Variants in ANXA5 observed in about 807,000 individuals in gnomAD.
ANXA5 encodes annexin A5, also known as CBP-I.
ANXA5 carries 40 observed loss-of-function variants against 48.1 expected under a neutral mutation model. The ratio of observed to expected loss-of-function variants is 0.83; its 90% confidence interval spans 0.65 to 1.08. The LOEUF is 1.08. Ranked by LOEUF, ANXA5 falls within the 50% of genes least tolerant of loss-of-function variation. ANXA5 has a pLI of 0.00. For synonymous variants in ANXA5, 113 were observed against 129.1 expected (o/e 0.88, Z 0.85); for missense variants, 357 against 376.8 (o/e 0.95, Z 0.44).
At chr4:121,694,990 T>G (rs1215700815) in intron 2 of ANXA5, among the ~76,000 whole-genome samples, 1 of 152,208 alleles carries the variant, frequency 6.6e-6, no homozygotes, top group Non-Finnish European at 1.5e-5. Context: ...CTTATACTAT[T>G]TGGGTAAACA....
intron 2 of ANXA5, among the ~76,000 whole-genome samples, chr4:121,690,063 T>A (rs978101677): frequency 6.6e-6 from 1 of 151,966 alleles, no homozygotes; most frequent in African/African-American, 2.4e-5. Flanking sequence ...AAAGGGAAGG[T>A]GACCTACAAT....
In ANXA5 at chr4:121,668,347, G is replaced by T; in HGVS notation, c.*121C>A. ...TCTATGACGTGTATGTGTTGGTCAT[G>T]AGCATGCTAGTATGAATAAGGCAAT... is the stretch of plus-strand genomic sequence containing the variant. On this transcript the variant is annotated 3_prime_UTR_variant, in exon 13 of 13. Transcript: ENST00000296511. The T allele has an allele frequency of 1.2e-6, 1 of 817,706 alleles. No homozygotes were observed. 50.7% of individuals were successfully genotyped at this position (817,706 alleles called of 1,614,324 possible).
intron 2 of ANXA5, among the ~76,000 whole-genome samples, chr4:121,688,256 G>A (rs1724926025): frequency 6.6e-6 from 1 of 152,106 alleles, no homozygotes; most frequent in Non-Finnish European, 1.5e-5. Context: ...CCAGTCTATA[G>A]TATTCTGTTA....
At chr4:121,672,052 A>C (rs1724622000) in intron 9 of ANXA5, among the ~76,000 whole-genome samples, 2 of 152,210 alleles carry the variant, frequency 1.3e-5, no homozygotes, top group Non-Finnish European at 2.9e-5. Flanking sequence ...TGGAGCAAAA[A>C]GAAAAACCAG....
At chr4:121,692,254 G>C (rs915943443) in intron 2 of ANXA5, among the ~76,000 whole-genome samples, 3 of 152,196 alleles carry the variant, frequency 2.0e-5, no homozygotes, top group Non-Finnish European at 4.4e-5. Flanking sequence ...AGAAGGTTTT[G>C]ATAACAAAGT....
chr4:121,674,204 GA>G (rs1202983265), intron 8 of ANXA5, among the ~76,000 whole-genome samples: 2 of 103,644 alleles, frequency 1.9e-5, no homozygotes, highest in Admixed American at 1.9e-4. Context: ...GGAGGGGAGG[GA>G]GAGGGGCGGA....
At chr4:121,686,156 T>C (rs1352628437) in intron 3 of ANXA5, 132 bp downstream of exon 3, 2 of 698,008 alleles carry the variant, frequency 2.9e-6, no homozygotes, top group Admixed American at 2.7e-5. Context: ...TAGTATTATT[T>C]TGTTATCTTA....
chr4:121,672,394 C>A, intron 9 of ANXA5, 139 bp downstream of exon 9: 1 of 617,776 alleles, frequency 1.6e-6, no homozygotes, highest in South Asian at 2.1e-5. Context: ...TGAGATTTCT[C>A]CAGGTCACCA....
intron 5 of ANXA5, among the ~76,000 whole-genome samples, chr4:121,682,921 GA>G (rs1443736492): frequency 6.6e-6 from 1 of 152,132 alleles, no homozygotes; most frequent in Non-Finnish European, 1.5e-5. Flanking sequence ...AGAGGGGCAG[GA>G]AAGAAGGAAA....
intron 12 of ANXA5, among the ~76,000 whole-genome samples, chr4:121,669,011 A>G (rs1042344881): frequency 2.6e-5 from 4 of 151,900 alleles, no homozygotes; most frequent in Non-Finnish European, 4.4e-5. Flanking sequence ...CTTCTGCTCA[A>G]TTGAAATCTT....
chr4:121,683,519 G>A (rs1166353941), intron 4 of ANXA5, 42 bp from the exon 5 acceptor site: 21 of 1,130,828 alleles, frequency 1.9e-5, no homozygotes, highest in Non-Finnish European at 2.7e-5. Context: ...AGCAGAAATT[G>A]TAATAAGATT....
intron 2 of ANXA5, among the ~76,000 whole-genome samples, chr4:121,687,353 G>A (rs1286300957): frequency 6.6e-6 from 1 of 151,118 alleles, no homozygotes; most frequent in East Asian, 1.9e-4. Flanking sequence ...AGAGTCATAA[G>A]GCTTTATTAA....
intron 6 of ANXA5, among the ~76,000 whole-genome samples, chr4:121,679,773 A>G (rs1365218160): frequency 6.6e-6 from 1 of 152,136 alleles, no homozygotes; most frequent in East Asian, 1.9e-4. Context: ...TAAAAATTGT[A>G]TATATTTAAG....
chr4:121,677,010 T>A (rs1724711277), intron 8 of ANXA5, among the ~76,000 whole-genome samples: 1 of 152,118 alleles, frequency 6.6e-6, no homozygotes, highest in Admixed American at 6.5e-5. Flanking sequence ...GTTCTTTTTT[T>A]CTCTCCAGCT....
chr4:121,691,098 C>G lies in ANXA5; in HGVS notation c.10-4726G>C, dbSNP rs373612236. ...CCAACTCTTAAGTAGGTACTGTTCC[C>G]TCACCCATTCACCCATCCTCAGTTC... On this transcript the variant is annotated intron_variant, in intron 2 of 12. Coordinates refer to ENST00000296511, the MANE Select transcript of ANXA5 (RefSeq NM_001154.4). Among the ~76,000 whole-genome samples, 33 of 152,318 alleles carry G rather than the reference C, an allele frequency of 2.2e-4. No homozygotes were observed. The East Asian group carries it at 5.4e-3, about 25-fold the overall frequency.
At chr4:121,691,827 T>A (rs956835175) in intron 2 of ANXA5, among the ~76,000 whole-genome samples, 1 of 152,138 alleles carries the variant, frequency 6.6e-6, no homozygotes, top group Non-Finnish European at 1.5e-5. Context: ...AAATTATTTA[T>A]CACTGTACTA....
chr4:121,694,259 ATAT>A (rs1725040086), intron 2 of ANXA5, among the ~76,000 whole-genome samples: 1 of 138,746 alleles, frequency 7.2e-6, no homozygotes, highest in Non-Finnish European at 1.5e-5. Context: ...AAAAATATAT[ATAT>A]AATAAAAAAT....
chr4:121,679,025 T>A (rs938366025), intron 6 of ANXA5, among the ~76,000 whole-genome samples: 1 of 152,116 alleles, frequency 6.6e-6, no homozygotes, highest in Middle Eastern at 3.4e-3. Flanking sequence ...AGCTGCTCAA[T>A]GTAAGCCCAT....
chr4:121,678,575 G>A (rs935407486), intron 6 of ANXA5, 81 bp from the exon 7 acceptor site: 9 of 1,127,274 alleles, frequency 8.0e-6, no homozygotes, highest in African/African-American at 3.1e-5. Context: ...AAATGAAAGC[G>A]ATGTAAAAGA....
Sources: allele counts gnomAD v4.1 joint callset (sites outside exome capture counted in the v4.1 genomes callset), GRCh38; gene constraint gnomAD v4.1.1; transcripts MANE v1.5; gene names NCBI Gene and HGNC (gene_info 2026-07-23, HGNC 2026-07-21).